The following DYM variants were observed in gnomAD, a reference collection of about 807,000 sequenced individuals.
The protein encoded by DYM is dyggve-Melchior-Clausen syndrome protein.
Under a neutral mutation model 93.1 loss-of-function variants are expected in DYM, and 78 were observed. The ratio of observed to expected loss-of-function variants is 0.84; its 90% CI spans 0.70 to 1.01. The LOEUF (loss-of-function observed/expected upper bound fraction) is 1.01. Ranked by LOEUF, DYM falls within the 50% of genes least tolerant of loss-of-function variation. The pLI, the probability that DYM is intolerant of heterozygous loss-of-function variation, is 0.00. For synonymous variants in DYM, 321 were observed against 319.7 expected, an observed-to-expected ratio of 1.00 and a Z score of -0.04; for missense variants, 789 against 845.0, an observed-to-expected ratio of 0.93 and a Z score of 0.82.
chr18:49,183,348 G>A (rs1037597184), intron 14 of DYM, among the ~76,000 whole-genome samples: 1 of 152,092 alleles, frequency 6.6e-6, no homozygotes, highest in Non-Finnish European at 1.5e-5. Context: ...GGCACCATCA[G>A]GAAGGACAAA....
intron 6 of DYM, among the ~76,000 whole-genome samples, chr18:49,337,632 G>C (rs1327856022): frequency 6.6e-6 from 1 of 152,150 alleles, no homozygotes; most frequent in Non-Finnish European, 1.5e-5. Flanking sequence ...AGAGATTGAG[G>C]GGGAAGGAGC....
intron 3 of DYM, 22 bp from the exon 4 acceptor site, chr18:49,379,780 T>C (rs1173366539): frequency 6.4e-7 from 1 of 1,565,638 alleles, no homozygotes; most frequent in African/African-American, 1.4e-5. Flanking sequence ...GAAAAGGTTT[T>C]AAAAAGTTAA....
chr18:49,045,780 G>A (rs1167520386), intron 17 of DYM, among the ~76,000 whole-genome samples: 1 of 152,168 alleles, frequency 6.6e-6, no homozygotes, highest in African/African-American at 2.4e-5. Flanking sequence ...AGGCCTGGGT[G>A]TGAGGCTGGA....
intron 5 of DYM, among the ~76,000 whole-genome samples, chr18:49,370,488 C>T (rs143284353): frequency 1.1e-4 from 17 of 151,938 alleles, no homozygotes; most frequent in African/African-American, 2.7e-4. Flanking sequence ...AAACTATAGG[C>T]GGGTTCAGTG....
chr18:49,071,662 C>G (rs2076899128), intron 17 of DYM, among the ~76,000 whole-genome samples: 1 of 152,210 alleles, frequency 6.6e-6, no homozygotes, highest in African/African-American at 2.4e-5. Flanking sequence ...TAGTAAATCA[C>G]TACTTACTTG....
At chr18:49,365,558 G>T (rs1452342657) in intron 5 of DYM, among the ~76,000 whole-genome samples, 2 of 152,118 alleles carry the variant, frequency 1.3e-5, no homozygotes, top group Non-Finnish European at 2.9e-5. Flanking sequence ...TTGATTTGTT[G>T]GTATGTAATA....
chr18:49,258,821 CAGAG>C (rs1555664074), intron 11 of DYM, among the ~76,000 whole-genome samples: 7 of 134,414 alleles, frequency 5.2e-5, no homozygotes, highest in East Asian at 2.4e-4. Flanking sequence ...CACACACACA[CAGAG>C]ACACACACAC....
chr18:49,248,625 G>A (rs1267604595), intron 13 of DYM, among the ~76,000 whole-genome samples: 15 of 150,522 alleles, frequency 1.0e-4, no homozygotes, highest in Admixed American at 9.3e-4. Context: ...AAATAAAATC[G>A]AAGTTTAAAA....
intron 13 of DYM, among the ~76,000 whole-genome samples, chr18:49,256,624 C>T (rs994116481): frequency 6.6e-6 from 1 of 152,156 alleles, no homozygotes; most frequent in African/African-American, 2.4e-5. Flanking sequence ...AACTAATACA[C>T]GGGTGAACTG....
intron 13 of DYM, among the ~76,000 whole-genome samples, chr18:49,243,350 G>C (rs2094080032): frequency 6.6e-6 from 1 of 152,076 alleles, no homozygotes; most frequent in South Asian, 2.1e-4. Flanking sequence ...ACCTACTCTT[G>C]TTTAAAATAC....
intron 8 of DYM, among the ~76,000 whole-genome samples, chr18:49,288,581 C>T (rs77886781): frequency 5.3e-5 from 8 of 152,018 alleles, no homozygotes; most frequent in Non-Finnish European, 1.0e-4. Context: ...GAGTTCGAGA[C>T]CAGCCTGGAC....
intron 15 of DYM, among the ~76,000 whole-genome samples, chr18:49,158,604 A>C (rs959456257): frequency 2.0e-5 from 3 of 152,198 alleles, no homozygotes; most frequent in Non-Finnish European, 4.4e-5. Context: ...GGACATTTCC[A>C]TCAAGAACTA....
At chr18:49,118,713 A>G (rs761857671) in intron 16 of DYM, 31 bp downstream of exon 16, 2 of 1,588,224 alleles carry the variant, frequency 1.3e-6, no homozygotes, top group Admixed American at 3.3e-5. Context: ...CTTAAAAAAG[A>G]ATCATAATAA....
intron 2 of DYM, among the ~76,000 whole-genome samples, chr18:49,410,647 C>CAA (rs200205718): frequency 1.5e-5 from 2 of 134,784 alleles, no homozygotes; most frequent in Admixed American, 7.5e-5. Context: ...TTTTCTCTAC[C>CAA]AAAAAAAAAA....
intron 16 of DYM, among the ~76,000 whole-genome samples, chr18:49,100,373 G>A (rs2080012953): frequency 1.3e-5 from 2 of 151,968 alleles, no homozygotes; most frequent in Non-Finnish European, 2.9e-5. Context: ...ACCAACAAAA[G>A]GGAGTGTACT....
chr18:49,342,853 G>A (rs972370640), intron 6 of DYM, among the ~76,000 whole-genome samples: 1 of 152,196 alleles, frequency 6.6e-6, no homozygotes, highest in African/African-American at 2.4e-5. Flanking sequence ...TAGGTGTGTA[G>A]CAGGCTATAA....
At chr18:49,288,868 C>G (rs1223515647) in intron 8 of DYM, among the ~76,000 whole-genome samples, 3 of 151,686 alleles carry the variant, frequency 2.0e-5, no homozygotes, top group Non-Finnish European at 4.4e-5. Flanking sequence ...ATCAAAATAC[C>G]AACAAGACTT....
At chr18:49,352,923 T>C (rs1400597033) in intron 6 of DYM, among the ~76,000 whole-genome samples, 2 of 152,144 alleles carry the variant, frequency 1.3e-5, no homozygotes, top group African/African-American at 4.8e-5. Context: ...AAATACAATA[T>C]ATCTACTGCA....
chr18:49,155,409 A>C (rs922635308), intron 15 of DYM, among the ~76,000 whole-genome samples: 5 of 152,178 alleles, frequency 3.3e-5, no homozygotes, highest in African/African-American at 1.2e-4. Flanking sequence ...TATACCATAT[A>C]CTTCACCAAT....
Sources: allele counts gnomAD v4.1 joint callset (sites outside exome capture counted in the v4.1 genomes callset), GRCh38; gene constraint gnomAD v4.1.1; transcripts MANE v1.5; gene names NCBI Gene and HGNC (gene_info 2026-07-23, HGNC 2026-07-21).